Variants in CLVS1 observed in about 807,000 individuals in gnomAD.
The protein encoded by CLVS1 is clavesin 1.
CLVS1 carries 10 observed loss-of-function variants against 33.1 expected under a neutral mutation model. The observed-to-expected ratio is 0.30, with a 90% CI of 0.19 to 0.51. The LOEUF (loss-of-function observed/expected upper bound fraction) is 0.51, where lower values mean the gene tolerates loss of function less well. Ranked by LOEUF, CLVS1 falls within the 20% of genes least tolerant of loss-of-function variation. The pLI is 0.97. For synonymous variants in CLVS1, 163 were observed against 166.1 expected (o/e 0.98, Z 0.14); for missense variants, 343 against 433.4 (o/e 0.79, Z 1.85).
upstream of CLVS1, among the ~76,000 whole-genome samples, chr8:61,287,483 T>G (rs1293940816): frequency 2.0e-5 from 3 of 152,294 alleles, no homozygotes; most frequent in South Asian, 6.2e-4. Flanking sequence ...TTACCGATCT[T>G]TTTCTTTTTT....
chr8:61,361,141 G>T (rs978683806), intron 2 of CLVS1, among the ~76,000 whole-genome samples: 1 of 152,072 alleles, frequency 6.6e-6, no homozygotes, highest in Non-Finnish European at 1.5e-5. Flanking sequence ...CACCACCAAG[G>T]GGAAGGTGCT....
chr8:61,153,062 G>A (rs998760524), intron 2 of CLVS1, among the ~76,000 whole-genome samples: 9 of 152,100 alleles, frequency 5.9e-5, no homozygotes, highest in Non-Finnish European at 1.0e-4. Flanking sequence ...CAGCCACTCC[G>A]GAGGCTGAGG....
At chr8:61,201,812 T>C (rs540027354) in intron 2 of CLVS1, among the ~76,000 whole-genome samples, 1 of 152,304 alleles carries the variant, frequency 6.6e-6, no homozygotes, top group South Asian at 2.1e-4. Context: ...GAAATAGCAC[T>C]AGAACATAAA....
the CLVS1 span, among the ~76,000 whole-genome samples, chr8:61,035,338 T>A: frequency 3.9e-5 from 6 of 152,106 alleles, no homozygotes; most frequent in African/African-American, 1.2e-4. Flanking sequence ...AGTCTGATGT[T>A]CTATGTTATT....
At chr8:61,469,995 C>A (rs150779440) in intron 5 of CLVS1, among the ~76,000 whole-genome samples, 4 of 152,296 alleles carry the variant, frequency 2.6e-5, no homozygotes, top group Non-Finnish European at 5.9e-5. Flanking sequence ...CTAAGGTAAG[C>A]CATAAATTCC....
Position 61,500,692 on chromosome 8 carries a change from A to G in CLVS1, c.*1150A>G, listed in dbSNP as rs1586080389. On this transcript the variant is annotated 3_prime_UTR_variant, in exon 6 of 6. Coordinates refer to ENST00000325897, the MANE Select transcript of CLVS1 (RefSeq NM_173519.3). ...TACTTGTGCCATGTTTTCCAAGACC[A>G]GTGCATATTTTTAGACATCTCTTAT... The G allele has an allele frequency of 6.6e-6, 1 of 152,222 alleles. No homozygotes were observed. Among genetic ancestry groups the G allele is most frequent in the Non-Finnish European group, 1.5e-5 (1 of 68,040 alleles). The allele number at this position is 152,222 out of a possible 1,614,324, so 9.4% of individuals were successfully genotyped here.
rs554290441 is a variant in CLVS1, at chr8:61,255,520, A to G, written c.-151-44157A>G. Among the ~76,000 whole-genome samples the G allele has an allele frequency of 3.1e-4, 47 of 152,266 alleles. No homozygotes were observed. In the South Asian group the frequency reaches 6.4e-3, roughly 21 times the overall value. ...TGGAGAGGTGAAGGAGCGAAAATAAACCAGTAAGCAAAGGTATAACATAAT... is the reference window on the plus strand; with the variant it reads ...TGGAGAGGTGAAGGAGCGAAAATAAGCCAGTAAGCAAAGGTATAACATAAT... On this transcript the variant is annotated intron_variant, in intron 2 of 2. Coordinates refer to the CLVS1 transcript ENST00000522621.
chr8:61,457,907 G>C (rs6990529), intron 4 of CLVS1, among the ~76,000 whole-genome samples: 2,807 of 152,286 alleles, frequency 0.018, 85 homozygotes, highest in African/African-American at 0.064. Context: ...CCAGGGAAGG[G>C]GGGAAGGATC....
At chr8:61,298,823 T>G (rs1810317070) in intron 1 of CLVS1, among the ~76,000 whole-genome samples, 2 of 152,168 alleles carry the variant, frequency 1.3e-5, no homozygotes, top group African/African-American at 4.8e-5. Flanking sequence ...ATAAAGGATG[T>G]ATCTGAGGGG....
intron 2 of CLVS1, among the ~76,000 whole-genome samples, chr8:61,182,655 C>T (rs566879259): frequency 5.9e-5 from 9 of 152,178 alleles, no homozygotes; most frequent in Admixed American, 2.0e-4. Context: ...GTCACAATGA[C>T]GATTATTAAA....
the CLVS1 span, among the ~76,000 whole-genome samples, chr8:61,015,578 C>T: frequency 4.4e-3 from 664 of 152,268 alleles, 5 homozygotes; most frequent in African/African-American, 0.015. Flanking sequence ...GTGACAGCAG[C>T]AACAGGACAG....
the CLVS1 span, among the ~76,000 whole-genome samples, chr8:61,002,935 T>C: frequency 6.6e-6 from 1 of 152,218 alleles, no homozygotes; most frequent in Admixed American, 6.5e-5. Context: ...TCTGCTGCCT[T>C]ACATTTTGCT....
At chr8:61,411,417 A>T (rs1173525115) in intron 3 of CLVS1, among the ~76,000 whole-genome samples, 1 of 152,180 alleles carries the variant, frequency 6.6e-6, no homozygotes, top group Admixed American at 6.5e-5. Context: ...CAGTGGAGAC[A>T]GAGGCTGGGT....
At chr8:61,434,720 C>T (rs1003513416) in intron 3 of CLVS1, among the ~76,000 whole-genome samples, 3 of 152,096 alleles carry the variant, frequency 2.0e-5, no homozygotes, top group East Asian at 3.9e-4. Flanking sequence ...ATTGTGGGGA[C>T]CAAGTTTTAT....
intron 2 of CLVS1, chr8:61,264,646 A>G (rs1177038599): frequency 6.6e-6 from 1 of 152,224 alleles, no homozygotes; most frequent in East Asian, 1.9e-4. Context: ...GAGAAGCTTT[A>G]TTTTAAAATT....
At chr8:61,224,021 T>A (rs916784111) in intron 2 of CLVS1, among the ~76,000 whole-genome samples, 2 of 152,122 alleles carry the variant, frequency 1.3e-5, no homozygotes, top group African/African-American at 4.8e-5. Context: ...CTCCATTAGG[T>A]CATTTATGTT....
At chr8:61,075,181 GC>G (rs1010550996) in intron 1 of CLVS1, among the ~76,000 whole-genome samples, 15 of 152,280 alleles carry the variant, frequency 9.9e-5, no homozygotes, top group African/African-American at 3.6e-4. Context: ...AGGGGAAGGG[GC>G]CGGTGGGATG....
chr8:61,121,617 G>T (rs763089608), intron 1 of CLVS1, among the ~76,000 whole-genome samples: 4 of 152,222 alleles, frequency 2.6e-5, no homozygotes, highest in African/African-American at 9.6e-5. Context: ...TCAGGTTTTT[G>T]CAGAAGAATC....
chr8:61,033,009 G>A, the CLVS1 span, among the ~76,000 whole-genome samples: 1 of 100,118 alleles, frequency 1.0e-5, no homozygotes, highest in Non-Finnish European at 2.1e-5. Context: ...AAGAAAGAAA[G>A]AAAGAAAGAA....
Sources: allele counts gnomAD v4.1 joint callset (sites outside exome capture counted in the v4.1 genomes callset), GRCh38; gene constraint gnomAD v4.1.1; transcripts MANE v1.5; gene names NCBI Gene and HGNC (gene_info 2026-07-23, HGNC 2026-07-21).